Variants in FANCD2 observed in about 807,000 individuals in gnomAD.
FANCD2 encodes Fanconi anemia group D2 protein.
FANCD2 carries 131 observed loss-of-function variants against 192.3 expected under a neutral mutation model. The observed-to-expected ratio is 0.68, with a 90% confidence interval of 0.59 to 0.79. The LOEUF (loss-of-function observed/expected upper bound fraction) is 0.79. Ranked by LOEUF, FANCD2 falls within the 30% of genes least tolerant of loss-of-function variation. FANCD2 has a pLI of 0.00. For missense variants in FANCD2, 1,508 were observed against 1,701.6 expected (o/e 0.89, Z 2.00); for synonymous variants, 524 against 612.5 (o/e 0.86, Z 2.13).
At chr3:10,095,670 C>T (rs572717119) in intron 41 of FANCD2, among the ~76,000 whole-genome samples, 64 of 152,342 alleles carry the variant, frequency 4.2e-4, no homozygotes, top group Middle Eastern at 3.4e-3. Flanking sequence ...TTTCAAGGAA[C>T]TCATCTATGT....
intron 10 of FANCD2, among the ~76,000 whole-genome samples, chr3:10,042,334 A>G (rs2086886640): frequency 6.6e-6 from 1 of 152,220 alleles, no homozygotes; most frequent in African/African-American, 2.4e-5. Flanking sequence ...GTAAGATAAT[A>G]GCTCTGTTTC....
chr3:10,059,787 CAG>C (rs1449519279), intron 18 of FANCD2, among the ~76,000 whole-genome samples: 1 of 150,596 alleles, frequency 6.6e-6, no homozygotes, highest in Non-Finnish European at 1.5e-5. Flanking sequence ...GCCTGGGTGA[CAG>C]AGCGAGACTC....
chr3:10,060,864 G>GGGGGCTTGATAAGATGTTGCCATTAC (rs1487095435), intron 19 of FANCD2, among the ~76,000 whole-genome samples: 8 of 152,116 alleles, frequency 5.3e-5, no homozygotes, highest in Non-Finnish European at 1.0e-4. Context: ...ATATCGGTTT[G>GGGGGCTTGATAAGATGTTGCCATTAC]GGGGCTTGAT....
chr3:10,029,681 A>AC (rs1214503328), intron 2 of FANCD2, among the ~76,000 whole-genome samples: 1 of 152,148 alleles, frequency 6.6e-6, no homozygotes, highest in Non-Finnish European at 1.5e-5. Flanking sequence ...TGCACCTGTC[A>AC]CCCGAAAAGT....
At chr3:10,099,232 G>C in intron 43 of FANCD2, 1 of 1,335,902 alleles carries the variant, frequency 7.5e-7, no homozygotes, top group Non-Finnish European at 9.6e-7. Flanking sequence ...AAAGCACAGA[G>C]TCAGAAGCTG....
At chr3:10,052,283 C>A in intron 17 of FANCD2, 104 bp from the exon 18 acceptor site, 5 of 767,490 alleles carry the variant, frequency 6.5e-6, no homozygotes, top group South Asian at 1.5e-5. Flanking sequence ...GTTTTAGATA[C>A]CTGGCTATCT....
At chr3:10,069,661 G>A (rs1348626879) in intron 26 of FANCD2, among the ~76,000 whole-genome samples, 2 of 152,042 alleles carry the variant, frequency 1.3e-5, no homozygotes, top group South Asian at 2.1e-4. Context: ...ACGGGGTTTC[G>A]CTGTGTTGGC....
At position 10,081,178 on chromosome 3, in the gene FANCD2, C is replaced by T; in HGVS notation, c.3055C>T (p.Leu1019=). 1 of 1,614,194 alleles carries T rather than the reference C, an allele frequency of 6.2e-7. No individual in the cohort carries two copies. Among genetic ancestry groups the T allele is most frequent in the Non-Finnish European group, 8.5e-7 (1 of 1,180,034 alleles). Residue 1019 remains leucine, a synonymous_variant, in exon 31 of 44, where the codon CTG becomes TTG. Transcript: ENST00000675286. ...AGAAATTGTTCATTGTGTTTTTCAACTGCTGACCCCAATGTGTAACCACCT... is the reference window on the plus strand; with the variant it reads ...AGAAATTGTTCATTGTGTTTTTCAATTGCTGACCCCAATGTGTAACCACCT... ...AQEIVHCVFQ[L]LTPMCNHLEN... is the part of the protein sequence containing the mutation.
intron 16 of FANCD2, among the ~76,000 whole-genome samples, chr3:10,049,122 A>C (rs1216273707): frequency 6.6e-6 from 1 of 152,040 alleles, no homozygotes; most frequent in Non-Finnish European, 1.5e-5. Context: ...GCCAAGGAGC[A>C]AAATCAGGAG....
In FANCD2 at chr3:10,078,222, C is replaced by G. The variant is rs146080096; in HGVS notation, c.2976+25C>G. ...GGTTAGTGTAGGCAGAAGCATAGGA[C>G]TTGGGCATAGTGGATTTGGGAACAA... On this transcript the variant is annotated intron_variant, in intron 30 of 43. Coordinates refer to ENST00000675286, the MANE Select transcript of FANCD2 (RefSeq NM_001018115.3). The G allele has an allele frequency of 2.1e-6, 3 of 1,453,144 alleles. No homozygotes were observed. In the African/African-American group the frequency reaches 4.2e-5, roughly 20 times the overall value. The allele number at this position is 1,453,144 out of a possible 1,614,324, so 90.0% of individuals were successfully genotyped here.
rs372087941 is a variant in FANCD2 at position 10,062,199 on chromosome 3, G to A, written c.1815G>A (p.Glu605=). The A allele has an allele frequency of 3.1e-6, 5 of 1,612,834 alleles. No individual in the cohort carries two copies. The highest frequency in any genetic ancestry group is 4.2e-6 in the Non-Finnish European group (5 of 1,179,474). ...LTQERANLSD[E]QCTQVTSLLQ... is the part of the protein sequence containing the mutation. ...AAGAGAGAGCCAACCTGAGCGATGAGCAGTGCACACAGGTGAGTTCTTTTT... is the reference window on the plus strand; with the variant it reads ...AAGAGAGAGCCAACCTGAGCGATGAACAGTGCACACAGGTGAGTTCTTTTT... Residue 605 remains glutamate (E), a synonymous_variant, in exon 20 of 44, where the codon GAG becomes GAA. Transcript: ENST00000675286.
intron 28 of FANCD2, 48 bp from the exon 29 acceptor site, chr3:10,074,482 A>C: frequency 5.2e-6 from 8 of 1,529,188 alleles, no homozygotes; most frequent in Non-Finnish European, 7.1e-6. Flanking sequence ...AAATTCGATT[A>C]ATATAGAAGA....
chr3:10,092,171 G>A lies in FANCD2; in HGVS notation c.3778-10G>A. Reference sequence around the variant, plus strand: ...TGACTCAGAGGTGCCCATATATTTGGCTGCCCCAGATTCATGAAGAGAAAC... The same window carrying A: ...TGACTCAGAGGTGCCCATATATTTGACTGCCCCAGATTCATGAAGAGAAAC... On this transcript the variant is annotated splice_polypyrimidine_tract_variant and intron_variant, in intron 37 of 43. Transcript: ENST00000675286. 2 of 1,609,730 alleles carry A rather than the reference G, an allele frequency of 1.2e-6. No individual in the cohort carries two copies. The highest frequency in any genetic ancestry group is 1.7e-6 in the Non-Finnish European group (2 of 1,176,028).
chr3:10,033,650 C>G (rs1559370016), intron 3 of FANCD2, among the ~76,000 whole-genome samples: 1 of 147,208 alleles, frequency 6.8e-6, no homozygotes, highest in African/African-American at 2.5e-5. Context: ...AAGGTTATGG[C>G]AGGTCTTTTT....
chr3:10,080,572 A>C (rs993132025), intron 30 of FANCD2, among the ~76,000 whole-genome samples: 3 of 152,180 alleles, frequency 2.0e-5, no homozygotes, highest in African/African-American at 7.2e-5. Flanking sequence ...GGAGTTTGAG[A>C]CCAGCCTGGT....
At chr3:10,100,678 C>T (rs954032435) in intron 43 of FANCD2, among the ~76,000 whole-genome samples, 18 of 152,288 alleles carry the variant, frequency 1.2e-4, no homozygotes, top group African/African-American at 4.3e-4. Context: ...ACTGCCATAC[C>T]ACCACTTGTA....
intron 17 of FANCD2, among the ~76,000 whole-genome samples, 198 bp downstream of exon 17, chr3:10,049,703 G>A (rs1353221235): frequency 6.6e-6 from 1 of 152,136 alleles, no homozygotes; most frequent in Non-Finnish European, 1.5e-5. Flanking sequence ...TGTAAAGTAG[G>A]CCCTTACCTT....
At chr3:10,062,623 T>G (rs1220809396) in intron 20 of FANCD2, among the ~76,000 whole-genome samples, 2 of 152,198 alleles carry the variant, frequency 1.3e-5, no homozygotes, top group Non-Finnish European at 2.9e-5. Flanking sequence ...AGAAAGTGCT[T>G]CTTTTGTAAA....
In FANCD2 at chr3:10,034,494, G is replaced by A. The variant is rs773320606; in HGVS notation, c.231G>A (p.Lys77=). ...CTGTGGATCAAATAGCTTTCCAAAAGAAGCTCTTTCAGACCCTGAGGAGAC... is the reference window on the plus strand; with the variant it reads ...CTGTGGATCAAATAGCTTTCCAAAAAAAGCTCTTTCAGACCCTGAGGAGAC... ...QLAVDQIAFQ[K]KLFQTLRRHP... Residue 77 remains lysine (K), a synonymous_variant, in exon 4 of 44, where the codon AAG becomes AAA. Transcript: ENST00000675286. The A allele has an allele frequency of 6.2e-7, 1 of 1,613,264 alleles. No homozygotes were observed. The highest frequency in any genetic ancestry group is 1.7e-5 in the Admixed American group (1 of 60,006).
Sources: gnomAD v4.1 joint callset for allele counts (sites outside exome capture counted in the v4.1 genomes callset) on GRCh38, gnomAD v4.1.1 for gene constraint, MANE v1.5 for transcripts, NCBI Gene and HGNC (gene_info 2026-07-23, HGNC 2026-07-21) for gene names.